Variants in PRKG1 observed in about 807,000 individuals in gnomAD.
The protein encoded by PRKG1 is cGMP-dependent protein kinase 1.
Under a neutral mutation model 88.1 loss-of-function variants are expected in PRKG1, and 35 were observed. That is an observed-to-expected ratio of 0.40 (90% CI 0.30 to 0.53). The LOEUF (loss-of-function observed/expected upper bound fraction) is 0.53, where lower values mean the gene tolerates loss of function less well. PRKG1 is among the 20% of genes least tolerant of loss of function. The pLI is 0.59. For synonymous variants in PRKG1, 303 were observed against 292.5 expected, an observed-to-expected ratio of 1.04 and a Z score of -0.37; for missense variants, 540 against 839.8, an observed-to-expected ratio of 0.64 and a Z score of 4.41.
In PRKG1 at chr10:51,886,660, G is replaced by A. The variant is rs4593962; in HGVS notation, c.699-20847G>A. On this transcript the variant is annotated intron_variant, in intron 4 of 17. Transcript: ENST00000373980. ...GTATTTATCCTTCTGCATCTGGCTC[G>A]TTTTGCAGATGATAATGTCTCATAG... 7.7e-4 allele frequency among the ~76,000 whole-genome samples: 118 copies of A among 152,286 alleles called. 2 individuals carry two copies. The East Asian group carries it at 0.021, about 27-fold the overall frequency.
intron 2 of PRKG1, among the ~76,000 whole-genome samples, chr10:51,181,306 A>C (rs1837338452): frequency 7.3e-6 from 1 of 137,566 alleles, no homozygotes; most frequent in African/African-American, 2.8e-5. Flanking sequence ...CAGTGGCGCA[A>C]TCTCGGCTCA....
At chr10:52,179,903 G>A (rs1838970172) in intron 9 of PRKG1, among the ~76,000 whole-genome samples, 1 of 152,182 alleles carries the variant, frequency 6.6e-6, no homozygotes, top group Non-Finnish European at 1.5e-5. Context: ...TGGCCAGGCT[G>A]GTCTCAAACT....
At chr10:51,086,819 T>C (rs577873491) in intron 1 of PRKG1, among the ~76,000 whole-genome samples, 6 of 152,330 alleles carry the variant, frequency 3.9e-5, no homozygotes, top group South Asian at 2.1e-4. Context: ...TATCTTTTGG[T>C]GCAGTCACTG....
At chr10:52,223,596 C>T (rs1840308037) in intron 9 of PRKG1, among the ~76,000 whole-genome samples, 1 of 152,146 alleles carries the variant, frequency 6.6e-6, no homozygotes, top group Non-Finnish European at 1.5e-5. Flanking sequence ...TTTCGATACG[C>T]TCTACATGCT....
chr10:51,012,637 G>A (rs567947327), intron 1 of PRKG1, among the ~76,000 whole-genome samples: 35 of 152,314 alleles, frequency 2.3e-4, no homozygotes, highest in African/African-American at 7.0e-4. Context: ...ACTATTTATT[G>A]AGTGCTTACT....
chr10:51,627,917 C>CT (rs1375630577), intron 3 of PRKG1, among the ~76,000 whole-genome samples: 32 of 106,148 alleles, frequency 3.0e-4, no homozygotes, highest in Admixed American at 7.3e-4. Context: ...CCTTCCCTTC[C>CT]TTCCCTTCCT....
intron 2 of PRKG1, among the ~76,000 whole-genome samples, chr10:51,369,613 G>C (rs1468661688): frequency 6.6e-6 from 1 of 152,118 alleles, no homozygotes; most frequent in Non-Finnish European, 1.5e-5. Context: ...ACAGCTTCTT[G>C]GTTGCACAGC....
intron 4 of PRKG1, among the ~76,000 whole-genome samples, chr10:51,898,546 A>G (rs1239950501): frequency 6.6e-6 from 1 of 152,154 alleles, no homozygotes; most frequent in Admixed American, 6.6e-5. Flanking sequence ...TATTAAAAAA[A>G]AATTTTGGCC....
At chr10:51,943,132 G>A (rs1842947547) in intron 5 of PRKG1, among the ~76,000 whole-genome samples, 1 of 152,002 alleles carries the variant, frequency 6.6e-6, no homozygotes, top group Non-Finnish European at 1.5e-5. Context: ...ATTTCATTGA[G>A]CAGTGGTTTG....
chr10:52,055,879 G>A (rs1215035165), intron 6 of PRKG1, among the ~76,000 whole-genome samples: 1 of 152,160 alleles, frequency 6.6e-6, no homozygotes, highest in Non-Finnish European at 1.5e-5. Flanking sequence ...ACAGTGAATA[G>A]AATGCAGTGG....
chr10:52,003,561 A>G (rs942457183), intron 5 of PRKG1, among the ~76,000 whole-genome samples: 12 of 152,158 alleles, frequency 7.9e-5, no homozygotes. Context: ...TTTCTCATAT[A>G]TACATTTATT....
intron 3 of PRKG1, among the ~76,000 whole-genome samples, chr10:51,507,378 C>T (rs778947807): frequency 2.0e-5 from 3 of 151,820 alleles, no homozygotes; most frequent in Non-Finnish European, 4.4e-5. Flanking sequence ...TTTCTATTCC[C>T]AAATAGTTGG....
chr10:51,603,035 G>A (rs1196365363), intron 3 of PRKG1, among the ~76,000 whole-genome samples: 4 of 151,944 alleles, frequency 2.6e-5, no homozygotes, highest in Non-Finnish European at 5.9e-5. Context: ...TGGGCTCACT[G>A]CAACCTCTGC....
chr10:51,472,972 A>G (rs900153918), intron 3 of PRKG1, among the ~76,000 whole-genome samples: 2 of 151,984 alleles, frequency 1.3e-5, no homozygotes, highest in Non-Finnish European at 2.9e-5. Flanking sequence ...TGATGAGTGG[A>G]AACATGACCC....
At chr10:51,943,503 G>GA (rs1232323483) in intron 5 of PRKG1, among the ~76,000 whole-genome samples, 4 of 152,030 alleles carry the variant, frequency 2.6e-5, no homozygotes, top group Non-Finnish European at 5.9e-5. Context: ...GAATGGGAGT[G>GA]GTGAGAGAGG....
intron 1 of PRKG1, among the ~76,000 whole-genome samples, chr10:51,146,178 G>C (rs1845943753): frequency 6.7e-6 from 1 of 149,834 alleles, no homozygotes; most frequent in Admixed American, 6.6e-5. Flanking sequence ...GACAGAACAA[G>C]ACTCTGTCTC....
chr10:52,122,955 T>C (rs1209058737), intron 7 of PRKG1, among the ~76,000 whole-genome samples: 1 of 152,164 alleles, frequency 6.6e-6, no homozygotes, highest in Non-Finnish European at 1.5e-5. Context: ...AAAATAGCAA[T>C]ATATATCCCA....
intron 3 of PRKG1, among the ~76,000 whole-genome samples, chr10:51,657,098 T>C (rs1840180300): frequency 6.6e-6 from 1 of 152,104 alleles, no homozygotes; most frequent in Non-Finnish European, 1.5e-5. Context: ...TGGGCACATG[T>C]TTATTAGGTA....
At position 52,272,413 on chromosome 10, in the gene PRKG1, C is replaced by G. The variant is rs1230129576; in HGVS notation, c.1335C>G (p.Asp445Glu). Residue 445 changes from aspartate to glutamate, a missense_variant, in exon 12 of 18, where the codon GAC (aspartate) becomes GAG (glutamate). This residue lies in a region of PRKG1 where 400 missense variants were observed against 562.7 expected (regional missense o/e 0.71). Coordinates refer to ENST00000373980, the MANE Select transcript of PRKG1 (RefSeq NM_006258.4). ...FIVRLYRTFK[D>E]SKYLYMLMEA... ...ACAGACTGTACAGAACATTTAAGGA[C>G]AGCAAATATTTGTATATGTTGATGG... The G allele has an allele frequency of 6.2e-7, 1 of 1,608,770 alleles. No individual in the cohort carries two copies.
Sources: gnomAD v4.1 joint callset for allele counts (sites outside exome capture counted in the v4.1 genomes callset) on GRCh38, gnomAD v4.1.1 for gene constraint, gnomAD v4.1.1 regional missense constraint, MANE v1.5 for transcripts, NCBI Gene and HGNC (gene_info 2026-07-23, HGNC 2026-07-21) for gene names.